The following DPP10 variants were observed in gnomAD, a reference collection of about 807,000 sequenced individuals.
DPP10 encodes the protein dipeptidyl peptidase like 10.
In DPP10, 33 loss-of-function variants were observed where a neutral mutation model predicts 120.9. The ratio of observed to expected loss-of-function variants is 0.27; its 90% CI spans 0.21 to 0.37. The LOEUF is 0.37. Ranked by LOEUF, DPP10 falls within the 10% of genes least tolerant of loss-of-function variation. The pLI is 1.00. For missense variants in DPP10, 816 were observed against 942.8 expected, an observed-to-expected ratio of 0.87 and a Z score of 1.76; for synonymous variants, 337 against 326.1, an observed-to-expected ratio of 1.03 and a Z score of -0.36.
At chr2:114,941,758 A>T (rs980302943) in intron 1 of DPP10, among the ~76,000 whole-genome samples, 1 of 152,186 alleles carries the variant, frequency 6.6e-6, no homozygotes, top group East Asian at 1.9e-4. Flanking sequence ...CAGTGTTGAC[A>T]AGCAATCAAA....
At chr2:115,727,710 G>C (rs115778619) in intron 7 of DPP10, 106 bp from the exon 8 acceptor site, 1 of 1,256,842 alleles carries the variant, frequency 8.0e-7, no homozygotes, top group Non-Finnish European at 1.0e-6. Context: ...CTTGAAGCCC[G>C]TAAATAATAC....
chr2:115,561,046 C>G (rs2080625515), intron 5 of DPP10, among the ~76,000 whole-genome samples: 1 of 151,972 alleles, frequency 6.6e-6, no homozygotes, highest in Non-Finnish European at 1.5e-5. Context: ...ATAGAATTTG[C>G]CTATTGAAAT....
chr2:114,476,291 A>G (rs1399926450), intron 1 of DPP10, among the ~76,000 whole-genome samples: 1 of 152,204 alleles, frequency 6.6e-6, no homozygotes, highest in African/African-American at 2.4e-5. Flanking sequence ...ATCAGGCTCA[A>G]TTATTTTAGA....
chr2:115,119,877 G>C (rs1167361476), intron 1 of DPP10, among the ~76,000 whole-genome samples: 1 of 152,152 alleles, frequency 6.6e-6, no homozygotes, highest in Non-Finnish European at 1.5e-5. Context: ...GCCTAAAAAG[G>C]GAAAATCCCA....
chr2:114,936,198 C>T (rs1158532966), intron 1 of DPP10, among the ~76,000 whole-genome samples: 1 of 152,004 alleles, frequency 6.6e-6, no homozygotes, highest in African/African-American at 2.4e-5. Flanking sequence ...CCTTTGCTTC[C>T]TCATAGCTTA....
At chr2:114,884,030 A>G (rs1031428261) in intron 1 of DPP10, among the ~76,000 whole-genome samples, 14 of 20,336 alleles carry the variant, frequency 6.9e-4, no homozygotes, top group Non-Finnish European at 1.3e-3. Context: ...ATACTAGTTT[A>G]ATTTCACTTT....
At chr2:114,532,858 G>T (rs138602259) in intron 1 of DPP10, among the ~76,000 whole-genome samples, 1 of 152,232 alleles carries the variant, frequency 6.6e-6, no homozygotes, top group Non-Finnish European at 1.5e-5. Flanking sequence ...TGGGGTTAAG[G>T]TGTGTACCAT....
chr2:115,027,249 T>C (rs1703529382), intron 1 of DPP10, among the ~76,000 whole-genome samples: 1 of 152,174 alleles, frequency 6.6e-6, no homozygotes, highest in African/African-American at 2.4e-5. Flanking sequence ...AGTCTTTATG[T>C]TTTCCAAATA....
chr2:115,754,266 G>C (rs1284351806), intron 11 of DPP10, among the ~76,000 whole-genome samples: 3 of 152,086 alleles, frequency 2.0e-5, no homozygotes, highest in Non-Finnish European at 2.9e-5. Flanking sequence ...AGAGAAGTTG[G>C]AGCTTTATAG....
intron 1 of DPP10, among the ~76,000 whole-genome samples, chr2:115,266,903 G>C (rs906059640): frequency 6.6e-6 from 1 of 152,170 alleles, no homozygotes; most frequent in Admixed American, 6.5e-5. Context: ...ATTCATTTTG[G>C]GGGGGAGAAT....
intron 3 of DPP10, among the ~76,000 whole-genome samples, chr2:115,442,937 GA>G (rs2072214223): frequency 6.6e-6 from 1 of 152,168 alleles, no homozygotes; most frequent in Admixed American, 6.5e-5. Flanking sequence ...GAAACCTAGG[GA>G]TAGCATGGTC....
chr2:115,811,554 C>T (rs1686650070), intron 19 of DPP10, among the ~76,000 whole-genome samples: 1 of 152,170 alleles, frequency 6.6e-6, no homozygotes. Context: ...CATATCTTAG[C>T]TGGGAACTTC....
chr2:115,402,899 A>T (rs2068198874), intron 3 of DPP10, among the ~76,000 whole-genome samples: 1 of 141,948 alleles, frequency 7.0e-6, no homozygotes, highest in Non-Finnish European at 1.5e-5. Context: ...GTGTATATAT[A>T]TATGTATATA....
intron 1 of DPP10, among the ~76,000 whole-genome samples, chr2:114,611,593 GAA>G (rs1693293613): frequency 6.6e-6 from 1 of 152,152 alleles, no homozygotes; most frequent in Non-Finnish European, 1.5e-5. Flanking sequence ...TACATTATGA[GAA>G]AATATTTATG....
chr2:115,209,557 A>C (rs1034782315), intron 1 of DPP10, among the ~76,000 whole-genome samples: 12 of 152,090 alleles, frequency 7.9e-5, no homozygotes, highest in African/African-American at 2.6e-4. Flanking sequence ...CATTTCTATT[A>C]TTTCTTTCTT....
intron 2 of DPP10, among the ~76,000 whole-genome samples, chr2:115,310,513 G>A (rs889236218): frequency 6.6e-6 from 1 of 152,102 alleles, no homozygotes; most frequent in Non-Finnish European, 1.5e-5. Flanking sequence ...AACATGTGGA[G>A]AGGTTGAGAA....
intron 7 of DPP10, among the ~76,000 whole-genome samples, chr2:115,722,473 C>G (rs138495164): frequency 6.6e-6 from 1 of 151,856 alleles, no homozygotes; most frequent in East Asian, 2.0e-4. Context: ...GCAATTTTGT[C>G]GTTGTGCAAA....
intron 1 of DPP10, among the ~76,000 whole-genome samples, chr2:115,047,324 A>T (rs1705141814): frequency 6.6e-6 from 1 of 152,026 alleles, no homozygotes; most frequent in African/African-American, 2.4e-5. Flanking sequence ...TTTTAAGTCC[A>T]TTTATAATGT....
rs113826610 is a variant in DPP10, at chr2:114,560,450, C to T, written c.60+117612C>T. On this transcript the variant is annotated intron_variant, in intron 1 of 25. Transcript: ENST00000410059. The stretch of plus-strand genomic sequence containing the variant: ...CTTATTAGGACTTAGGATATTAGGC[C>T]ACAGAAACCAAAGATTTGTGAGGGA... 7.3e-3 allele frequency among the ~76,000 whole-genome samples: 1,110 copies of T among 152,156 alleles called. 14 individuals carry two copies. The highest frequency in any genetic ancestry group is 0.025 in the African/African-American group (1,027 of 41,488).
Sources: gnomAD v4.1 joint callset for allele counts (sites outside exome capture counted in the v4.1 genomes callset) on GRCh38, gnomAD v4.1.1 for gene constraint, MANE v1.5 for transcripts, NCBI Gene and HGNC (gene_info 2026-07-23, HGNC 2026-07-21) for gene names.